IARS2: variants seen among roughly 807,000 people sequenced by gnomAD.
IARS2 encodes the protein isoleucine--tRNA ligase, mitochondrial.
Under a neutral mutation model 126.3 loss-of-function variants are expected in IARS2, and 56 were observed. That is an observed-to-expected ratio of 0.44 (90% CI 0.36 to 0.55). The LOEUF (loss-of-function observed/expected upper bound fraction) is 0.55. Ranked by LOEUF, IARS2 falls within the 20% of genes least tolerant of loss-of-function variation. The pLI, the probability that IARS2 is intolerant of heterozygous loss-of-function variation, is 0.00. For missense variants in IARS2, 1,127 were observed against 1,245.9 expected, an observed-to-expected ratio of 0.90 and a Z score of 1.44; for synonymous variants, 407 against 441.1, an observed-to-expected ratio of 0.92 and a Z score of 0.97.
At chr1:220,103,633 G>C in intron 8 of IARS2, 71 bp downstream of exon 8, 1 of 912,830 alleles carries the variant, frequency 1.1e-6, no homozygotes, top group South Asian at 1.3e-5. Flanking sequence ...CTACTTTGCT[G>C]AACTGCATAT....
chr1:220,094,506 G>T (rs778351420), intron 1 of IARS2, 23 bp downstream of exon 1: 1 of 1,561,600 alleles, frequency 6.4e-7, no homozygotes. Flanking sequence ...CCTCGGCGCG[G>T]GGCCTCCAGA....
chr1:220,138,907 A>C, intron 17 of IARS2, 101 bp from the exon 18 acceptor site: 1 of 1,061,176 alleles, frequency 9.4e-7, no homozygotes, highest in South Asian at 1.6e-5. Flanking sequence ...AAAATACCCC[A>C]CTAAGAAAAT....
chr1:220,133,272 C>T (rs1397029062), intron 14 of IARS2, among the ~76,000 whole-genome samples: 1 of 152,034 alleles, frequency 6.6e-6, no homozygotes. Context: ...TCTCAAAGGG[C>T]TGGGGTTACA....
intron 21 of IARS2, among the ~76,000 whole-genome samples, chr1:220,144,647 A>G (rs1657554457): frequency 6.6e-6 from 1 of 152,174 alleles, no homozygotes; most frequent in African/African-American, 2.4e-5. Context: ...TTTCCTACAT[A>G]CTGTGTTTCC....
chr1:220,118,572 A>G (rs1313325006), intron 12 of IARS2, among the ~76,000 whole-genome samples: 3 of 152,146 alleles, frequency 2.0e-5, no homozygotes, highest in African/African-American at 7.2e-5. Flanking sequence ...CATAAAAAAG[A>G]TAAAATGTAG....
Position 220,094,596 on chromosome 1 carries a change from G to A in IARS2, c.267+113G>A, listed in dbSNP as rs1038751769. ...TCCACGCCGGTGCGGGTGGGCGGGG[G>A]TGTGACCAGATTGGTGGAATTCGTC... On this transcript the variant is annotated intron_variant, in intron 1 of 22. Transcript: ENST00000366922. 39 of 876,936 alleles carry A rather than the reference G, an allele frequency of 4.4e-5. No homozygotes were observed. The African/African-American group carries it at 6.0e-4, about 13-fold the overall frequency. 54.3% of individuals were successfully genotyped at this position (876,936 alleles called of 1,614,324 possible). A position where few individuals can be genotyped will look rare whatever the true frequency, so the allele number is the denominator to read the frequency against.
At chr1:220,135,316 A>C (rs1420749032) in intron 15 of IARS2, among the ~76,000 whole-genome samples, 1 of 152,182 alleles carries the variant, frequency 6.6e-6, no homozygotes, top group African/African-American at 2.4e-5. Flanking sequence ...GCTTAGCTTA[A>C]GATTGTGGCT....
chr1:220,106,246 T>C (rs1656678809), intron 9 of IARS2, among the ~76,000 whole-genome samples, 186 bp downstream of exon 9: 1 of 152,228 alleles, frequency 6.6e-6, no homozygotes, highest in African/African-American at 2.4e-5. Flanking sequence ...CCAGAATTAA[T>C]AGAAAATTAG....
At chr1:220,125,430 A>C (rs779812152) in intron 13 of IARS2, 91 bp downstream of exon 13, 3 of 756,040 alleles carry the variant, frequency 4.0e-6, no homozygotes, top group Non-Finnish European at 6.6e-6. Flanking sequence ...AAATTATCTT[A>C]TGTAAAGTTA....
intron 17 of IARS2, among the ~76,000 whole-genome samples, chr1:220,138,616 T>C (rs115785072): frequency 0.071 from 10,820 of 151,834 alleles, 514 homozygotes; most frequent in South Asian, 0.14. Context: ...TATATTAATT[T>C]TGTATACTTT....
At chr1:220,117,517 T>A (rs1656951228) in intron 12 of IARS2, among the ~76,000 whole-genome samples, 1 of 152,010 alleles carries the variant, frequency 6.6e-6, no homozygotes, top group Non-Finnish European at 1.5e-5. Flanking sequence ...TTTTCACTAT[T>A]TAGAGAGCAA....
chr1:220,134,541 A>G (rs1159029939), intron 15 of IARS2, 31 bp downstream of exon 15: 7 of 1,362,318 alleles, frequency 5.1e-6, no homozygotes, highest in Non-Finnish European at 7.3e-6. Context: ...CAACCTGCTG[A>G]GTACCTGCCA....
chr1:220,123,443 T>C (rs2102830789), intron 12 of IARS2, among the ~76,000 whole-genome samples: 1 of 152,328 alleles, frequency 6.6e-6, no homozygotes, highest in African/African-American at 2.4e-5. Flanking sequence ...TTATAAGGTA[T>C]TTCAAATTTA....
chr1:220,102,059 A>T, intron 3 of IARS2, 70 bp from the exon 4 acceptor site: 1 of 1,409,446 alleles, frequency 7.1e-7, no homozygotes, highest in African/African-American at 1.4e-5. Context: ...TTAGAGAGAT[A>T]CATGCTAAAC....
intron 3 of IARS2, 124 bp from the exon 4 acceptor site, chr1:220,101,999 ACTGTGT>A: frequency 1.3e-6 from 1 of 793,444 alleles, no homozygotes; most frequent in Non-Finnish European, 2.0e-6. Flanking sequence ...TGACAGCGAG[ACTGTGT>A]CTCAAAAAAA....
At chr1:220,102,076 T>G in intron 3 of IARS2, 53 bp from the exon 4 acceptor site, 1 of 1,511,914 alleles carries the variant, frequency 6.6e-7, no homozygotes, top group Non-Finnish European at 9.1e-7. Flanking sequence ...AAACCATGTT[T>G]AAGAATTCGA....
chr1:220,134,459 T>A lies in IARS2; in HGVS notation c.1895T>A (p.Phe632Tyr), dbSNP rs1657328677. The A allele has an allele frequency of 1.9e-6, 3 of 1,613,536 alleles. No individual in the cohort carries two copies. The highest frequency in any genetic ancestry group is 1.7e-5 in the Admixed American group (1 of 59,928). The stretch of plus-strand genomic sequence containing the variant: ...GGAAAAGACCAGCTCGGGGGTTGGT[T>A]TCAGTCATCCTTATTAACAAGTGTG... The part of the protein sequence containing the change: ...LEGKDQLGGW[F>Y]QSSLLTSVAA... Residue 632 changes from phenylalanine (F) to tyrosine (Y), a missense_variant, in exon 15 of 23, where the codon TTT becomes TAT. Transcript: ENST00000366922.
chr1:220,148,032 T>G lies in IARS2; in HGVS notation c.*397T>G, dbSNP rs893329929. 6 of 373,138 alleles carry G rather than the reference T, an allele frequency of 1.6e-5. No homozygotes were observed. Among genetic ancestry groups the G allele is most frequent in the African/African-American group, 1.2e-4 (6 of 48,180 alleles). 23.1% of individuals were successfully genotyped at this position (373,138 alleles called of 1,614,324 possible). A position where few individuals can be genotyped will look rare whatever the true frequency, so the allele number is the denominator to read the frequency against. On this transcript the variant is annotated 3_prime_UTR_variant, in exon 23 of 23. Transcript: ENST00000366922. ...TATGATACTGAAAATAAAGGCATTC[T>G]GGAAAAATACTGACTGATTTTGGTG...
chr1:220,143,316 T>A (rs937265812), intron 21 of IARS2, 182 bp downstream of exon 21: 1 of 397,210 alleles, frequency 2.5e-6, no homozygotes, highest in Non-Finnish European at 4.4e-6. Context: ...TTTAATAAAT[T>A]AAGCAAAGTC....
Sources: allele counts gnomAD v4.1 joint callset (sites outside exome capture counted in the v4.1 genomes callset), GRCh38; gene constraint gnomAD v4.1.1; transcripts MANE v1.5; gene names NCBI Gene and HGNC (gene_info 2026-07-23, HGNC 2026-07-21).